Variants in MYBL2 observed in about 807,000 individuals in gnomAD.
The protein encoded by MYBL2 is myb-related protein B.
A neutral mutation model predicts 79.9 loss-of-function variants in MYBL2; 28 were observed. That is an observed-to-expected ratio of 0.35 (90% CI 0.26 to 0.48). The LOEUF (loss-of-function observed/expected upper bound fraction) is 0.48, where lower values mean the gene tolerates loss of function less well. MYBL2 is among the 20% of genes least tolerant of loss of function. The pLI is 0.99. For synonymous variants in MYBL2, 378 were observed against 361.2 expected (o/e 1.05, Z -0.53); for missense variants, 735 against 893.9 (o/e 0.82, Z 2.27).
At chr20:43,681,515 A>G (rs145551034) in intron 2 of MYBL2, among the ~76,000 whole-genome samples, 105 of 152,242 alleles carry the variant, frequency 6.9e-4, no homozygotes, top group African/African-American at 2.3e-3. Context: ...GTAGGCAGTC[A>G]CCACGTACCT....
At chr20:43,668,738 A>C (rs1600538382) in intron 1 of MYBL2, among the ~76,000 whole-genome samples, 1 of 135,950 alleles carries the variant, frequency 7.4e-6, no homozygotes, top group South Asian at 2.4e-4. Context: ...TCCAGGCCGG[A>C]GTGCTGTGGT....
chr20:43,703,202 TCCAC>T (rs1364725371), intron 8 of MYBL2, among the ~76,000 whole-genome samples: 1 of 152,140 alleles, frequency 6.6e-6, no homozygotes, highest in Non-Finnish European at 1.5e-5. Flanking sequence ...GTTTGTTCAG[TCCAC>T]GTATGGAACC....
In MYBL2 at chr20:43,710,097, C is replaced by T. The variant is rs1179338279; in HGVS notation, c.1605+35C>T. ...GTGGTCGCTGCCGTGGATCTCTGCA[C>T]AGTGGGATCCCTTCGGTTCATCCAA... is the stretch of plus-strand genomic sequence containing the variant. On this transcript the variant is annotated intron_variant, in intron 10 of 13. Transcript: ENST00000217026. 4 of 1,507,362 alleles carry T rather than the reference C, an allele frequency of 2.7e-6. No individual in the cohort carries two copies. The African/African-American group carries it at 5.5e-5, about 21-fold the overall frequency. The allele number at this position is 1,507,362 out of a possible 1,614,324, so 93.4% of individuals were successfully genotyped here. A position where few individuals can be genotyped will look rare whatever the true frequency, so the allele number is the denominator to read the frequency against.
intron 1 of MYBL2, among the ~76,000 whole-genome samples, chr20:43,668,677 C>G (rs1162384590): frequency 7.1e-6 from 1 of 141,528 alleles, no homozygotes; most frequent in Non-Finnish European, 1.5e-5. Context: ...CTATCAGACC[C>G]TGCCCTGGTT....
At position 43,702,597 on chromosome 20, in the gene MYBL2, G is replaced by A; in HGVS notation, c.1059G>A (p.Gln353=). ...SLVQLQASHQ[Q]QVLPPRQPSA... is the part of the protein sequence containing the mutation. The stretch of plus-strand genomic sequence containing the variant: ...TGCAGCTGCAAGCGTCACATCAGCA[G>A]CAAGTCCTGCCACCCCGCCAGCCTT... The change falls in exon 8 of 14, where the codon CAG becomes CAA. Residue 353 remains glutamine, a synonymous_variant. Transcript: ENST00000217026. 1 of 1,614,166 alleles carries A rather than the reference G, an allele frequency of 6.2e-7. No homozygotes were observed. The highest frequency in any genetic ancestry group is 8.5e-7 in the Non-Finnish European group (1 of 1,180,048).
At position 43,716,241 on chromosome 20, in the gene MYBL2, T is replaced by G; in HGVS notation, c.*154T>G. 7 of 1,108,256 alleles carry G rather than the reference T, an allele frequency of 6.3e-6. No homozygotes were observed. Among genetic ancestry groups the G allele is most frequent in the Non-Finnish European group, 8.7e-6 (7 of 806,598 alleles). 68.7% of individuals were successfully genotyped at this position (1,108,256 alleles called of 1,614,324 possible). On this transcript the variant is annotated 3_prime_UTR_variant, in exon 14 of 14. Coordinates refer to ENST00000217026, the MANE Select transcript of MYBL2 (RefSeq NM_002466.4). ...CTCTCAGGTGGAGGCAACAGGGCCATGTGCTGCCCTGTTGCCGAGCCCAGC... is the reference window on the plus strand; with the variant it reads ...CTCTCAGGTGGAGGCAACAGGGCCAGGTGCTGCCCTGTTGCCGAGCCCAGC...
At position 43,702,650 on chromosome 20, in the gene MYBL2, A is replaced by G; in HGVS notation, c.1112A>G (p.Tyr371Cys). The G allele has an allele frequency of 6.2e-7, 1 of 1,614,054 alleles. No homozygotes were observed. Among genetic ancestry groups the G allele is most frequent in the Non-Finnish European group, 8.5e-7 (1 of 1,180,024 alleles). The change falls in exon 8 of 14, where the codon TAC becomes TGC. Residue 371 changes from tyrosine (Y) to cysteine (C), a missense_variant. By Grantham distance (194) the Tyr-to-Cys change is radical. Coordinates refer to ENST00000217026, the MANE Select transcript of MYBL2 (RefSeq NM_002466.4). ...PSALVPSVTE[Y>C]RLDGHTISDL... ...GCCCTGGTGCCCAGTGTGACCGAGTACCGCCTGGATGGCCACACCATCTCA... is the reference window on the plus strand; with the variant it reads ...GCCCTGGTGCCCAGTGTGACCGAGTGCCGCCTGGATGGCCACACCATCTCA...
chr20:43,671,633 C>T (rs780326467), intron 1 of MYBL2, among the ~76,000 whole-genome samples: 24 of 151,544 alleles, frequency 1.6e-4, no homozygotes, highest in Non-Finnish European at 2.7e-4. Flanking sequence ...CCATCACACC[C>T]GGCTAATTTT....
intron 1 of MYBL2, among the ~76,000 whole-genome samples, chr20:43,667,833 G>A (rs1458251288): frequency 6.6e-6 from 1 of 152,158 alleles, no homozygotes; most frequent in Non-Finnish European, 1.5e-5. Context: ...ACTGAGAAGG[G>A]TGCTGAGTTG....
At chr20:43,697,179 C>T (rs928888414) in intron 6 of MYBL2, among the ~76,000 whole-genome samples, 4 of 151,880 alleles carry the variant, frequency 2.6e-5, no homozygotes, top group South Asian at 2.1e-4. Context: ...TTGTCAATAC[C>T]GGCTATGGTT....
intron 4 of MYBL2, 30 bp from the exon 5 acceptor site, chr20:43,686,822 C>G: frequency 1.2e-6 from 2 of 1,606,684 alleles, no homozygotes; most frequent in African/African-American, 1.3e-5. Context: ...GGGGCCGGTG[C>G]AAGTGGCTAC....
At chr20:43,677,133 T>A (rs1987030700) in intron 2 of MYBL2, among the ~76,000 whole-genome samples, 2 of 152,208 alleles carry the variant, frequency 1.3e-5, no homozygotes, top group Non-Finnish European at 1.5e-5. Context: ...TAAGCAAACC[T>A]TTTCTGCTCA....
intron 1 of MYBL2, among the ~76,000 whole-genome samples, chr20:43,667,924 A>G (rs2145701924): frequency 6.6e-6 from 1 of 152,012 alleles, no homozygotes; most frequent in African/African-American, 2.4e-5. Context: ...TCCCACGAGG[A>G]GTTTTGGGCA....
intron 4 of MYBL2, among the ~76,000 whole-genome samples, chr20:43,685,283 C>T (rs962561053): frequency 6.6e-6 from 1 of 151,760 alleles, no homozygotes; most frequent in Non-Finnish European, 1.5e-5. Context: ...TAGGGACAAG[C>T]GATTTTCCTG....
At chr20:43,681,746 GT>G in intron 2 of MYBL2, 37 bp from the exon 3 acceptor site, 1 of 1,604,408 alleles carries the variant, frequency 6.2e-7, no homozygotes, top group South Asian at 1.1e-5. Context: ...TTTTCTGCAC[GT>G]ATGTGTGCTG....
chr20:43,672,791 A>T (rs1177416704), intron 1 of MYBL2, among the ~76,000 whole-genome samples: 1 of 151,994 alleles, frequency 6.6e-6, no homozygotes, highest in African/African-American at 2.4e-5. Context: ...TATATTCAGA[A>T]TTTTTTTTCC....
chr20:43,703,110 C>T (rs752430349), intron 8 of MYBL2, among the ~76,000 whole-genome samples: 2 of 152,126 alleles, frequency 1.3e-5, no homozygotes, highest in African/African-American at 2.4e-5. Context: ...TGTATCTAGT[C>T]TGGGCAAGTC....
At chr20:43,681,761 C>T (rs760544065) in intron 2 of MYBL2, 23 bp from the exon 3 acceptor site, 1 of 1,613,934 alleles carries the variant, frequency 6.2e-7, no homozygotes, top group Non-Finnish European at 8.5e-7. Flanking sequence ...TGTGCTGAGC[C>T]CCTGTCTTTC....
intron 4 of MYBL2, among the ~76,000 whole-genome samples, chr20:43,685,438 C>T (rs1427788191): frequency 3.9e-5 from 6 of 152,056 alleles, no homozygotes; most frequent in South Asian, 4.2e-4. Flanking sequence ...GCCTCGACCT[C>T]CCAAAGTGCT....
Sources: allele counts gnomAD v4.1 joint callset (sites outside exome capture counted in the v4.1 genomes callset), GRCh38; gene constraint gnomAD v4.1.1; transcripts MANE v1.5; gene names NCBI Gene and HGNC (gene_info 2026-07-23, HGNC 2026-07-21).